The following RGS7 variants were observed in gnomAD, a reference collection of about 807,000 sequenced individuals.
RGS7 encodes the protein regulator of G protein signaling 7, also known as regulator of G-protein signaling 7.
RGS7 carries 27 observed loss-of-function variants against 81.1 expected under a neutral mutation model. The observed-to-expected ratio is 0.33, with a 90% confidence interval of 0.25 to 0.46. The LOEUF (loss-of-function observed/expected upper bound fraction) is 0.46. RGS7 is among the 20% of genes least tolerant of loss of function. RGS7 has a pLI of 1.00. For missense variants in RGS7, 396 were observed against 607.4 expected, an observed-to-expected ratio of 0.65 and a Z score of 3.66; for synonymous variants, 208 against 207.7, an observed-to-expected ratio of 1.00 and a Z score of -0.01.
chr1:241,209,877 T>C (rs1389597833), intron 2 of RGS7, among the ~76,000 whole-genome samples: 1 of 151,874 alleles, frequency 6.6e-6, no homozygotes, highest in Admixed American at 6.6e-5. Context: ...TAAAATAAAA[T>C]ATATTATTAA....
intron 3 of RGS7, among the ~76,000 whole-genome samples, chr1:241,078,878 G>A (rs2062976845): frequency 6.6e-6 from 1 of 152,086 alleles, no homozygotes; most frequent in African/African-American, 2.4e-5. Flanking sequence ...ATTTGCAACG[G>A]GAGAAATGGC....
At chr1:241,275,349 T>C (rs1185554232) in intron 2 of RGS7, among the ~76,000 whole-genome samples, 1 of 152,198 alleles carries the variant, frequency 6.6e-6, no homozygotes, top group Admixed American at 6.5e-5. Flanking sequence ...GGAAAGGTAA[T>C]ATTTAGTAGG....
chr1:240,775,877 G>A lies in RGS7; in HGVS notation c.*343C>T. The A allele has an allele frequency of 2.7e-6, 1 of 371,660 alleles. No individual in the cohort carries two copies. Among genetic ancestry groups the A allele is most frequent in the Non-Finnish European group, 5.1e-6 (1 of 197,604 alleles). 23.0% of individuals were successfully genotyped at this position (371,660 alleles called of 1,614,324 possible). A position where few individuals can be genotyped will look rare whatever the true frequency, so the allele number is the denominator to read the frequency against. ...ACTGAAGCTTTGAGAGAGAGAGAGA[G>A]AGAAAGAAGGAAAAAAAGAAAAGGT... On this transcript the variant is annotated 3_prime_UTR_variant, in exon 19 of 19. Coordinates refer to ENST00000440928, the MANE Select transcript of RGS7 (RefSeq NM_001364886.1).
intron 2 of RGS7, among the ~76,000 whole-genome samples, chr1:241,330,034 G>C (rs2081874956): frequency 6.6e-6 from 1 of 152,118 alleles, no homozygotes. Flanking sequence ...CTGCCTCCTA[G>C]GTTCAAGCCA....
intron 2 of RGS7, among the ~76,000 whole-genome samples, chr1:241,170,055 C>G (rs2070614729): frequency 6.6e-6 from 1 of 151,952 alleles, no homozygotes; most frequent in African/African-American, 2.4e-5. Context: ...GAAGGGCCAC[C>G]GTCCATCAGC....
At chr1:241,238,995 G>C (rs1352450090) in intron 2 of RGS7, among the ~76,000 whole-genome samples, 1 of 116,706 alleles carries the variant, frequency 8.6e-6, no homozygotes, top group African/African-American at 3.4e-5. Context: ...TTGAGATACA[G>C]TCTCGCTCTG....
intron 9 of RGS7, among the ~76,000 whole-genome samples, chr1:240,844,420 C>T (rs1249979244): frequency 6.6e-6 from 1 of 152,212 alleles, no homozygotes; most frequent in African/African-American, 2.4e-5. Context: ...ACCCCAACCC[C>T]TATCCACATC....
intron 2 of RGS7, among the ~76,000 whole-genome samples, chr1:241,191,572 T>A (rs1278193954): frequency 6.6e-6 from 1 of 152,208 alleles, no homozygotes. Flanking sequence ...TTTAGTTTCC[T>A]TTTTTGAACT....
At chr1:241,122,669 G>GAA (rs200013731) in intron 2 of RGS7, among the ~76,000 whole-genome samples, 3 of 79,562 alleles carry the variant, frequency 3.8e-5, no homozygotes, top group African/African-American at 4.8e-5. Context: ...ATCACAAAAA[G>GAA]AAAAAAAAAA....
At chr1:241,052,167 A>G (rs2061286210) in intron 3 of RGS7, among the ~76,000 whole-genome samples, 1 of 152,188 alleles carries the variant, frequency 6.6e-6, no homozygotes, top group African/African-American at 2.4e-5. Flanking sequence ...TACAAATATA[A>G]GTAACAAAAT....
intron 3 of RGS7, among the ~76,000 whole-genome samples, chr1:241,015,839 T>C (rs1377801354): frequency 2.6e-5 from 4 of 152,246 alleles, no homozygotes; most frequent in East Asian, 1.9e-4. Context: ...TCAAGTCAGA[T>C]CAAAGTAAGG....
intron 3 of RGS7, among the ~76,000 whole-genome samples, chr1:241,087,328 CA>C (rs761248211): frequency 6.6e-6 from 1 of 151,360 alleles, no homozygotes; most frequent in South Asian, 2.1e-4. Flanking sequence ...ATTTAAAGGG[CA>C]AAAAAAATTA....
At chr1:240,923,218 G>C (rs905817155) in intron 6 of RGS7, among the ~76,000 whole-genome samples, 1 of 151,920 alleles carries the variant, frequency 6.6e-6, no homozygotes, top group African/African-American at 2.4e-5. Context: ...AGAACACAGA[G>C]AATCTTTAGG....
intron 3 of RGS7, among the ~76,000 whole-genome samples, chr1:241,091,496 T>C (rs12733747): frequency 0.22 from 33,427 of 149,594 alleles, 3,883 homozygotes; most frequent in African/African-American, 0.27. Context: ...TGCAGTGAGC[T>C]GAGATCACGC....
At chr1:241,007,791 T>C (rs2058747477) in intron 3 of RGS7, among the ~76,000 whole-genome samples, 1 of 152,142 alleles carries the variant, frequency 6.6e-6, no homozygotes, top group Admixed American at 6.6e-5. Flanking sequence ...AAGGAATTAG[T>C]AAAAGGTTTG....
At chr1:241,193,754 A>G (rs2072867258) in intron 2 of RGS7, among the ~76,000 whole-genome samples, 1 of 152,180 alleles carries the variant, frequency 6.6e-6, no homozygotes, top group South Asian at 2.1e-4. Context: ...TCTGCTACAG[A>G]AAGTCAGAGG....
chr1:241,355,259 GAC>G (rs1333268780), intron 2 of RGS7, among the ~76,000 whole-genome samples: 6 of 152,322 alleles, frequency 3.9e-5, no homozygotes, highest in South Asian at 2.1e-4. Context: ...CATTTACACA[GAC>G]ACAGTCTCTC....
chr1:240,954,901 T>C (rs1680118660), intron 4 of RGS7, among the ~76,000 whole-genome samples: 1 of 152,188 alleles, frequency 6.6e-6, no homozygotes, highest in African/African-American at 2.4e-5. Context: ...ATATCAAGTT[T>C]ATAGGATACA....
intron 2 of RGS7, among the ~76,000 whole-genome samples, chr1:241,302,590 CAGAT>C (rs769986551): frequency 5.2e-4 from 79 of 152,178 alleles, no homozygotes; most frequent in Middle Eastern, 6.8e-3. Context: ...GGCTTCTACT[CAGAT>C]AGGGAGCACC....
Sources: gnomAD v4.1 joint callset for allele counts (sites outside exome capture counted in the v4.1 genomes callset) on GRCh38, gnomAD v4.1.1 for gene constraint, MANE v1.5 for transcripts, NCBI Gene and HGNC (gene_info 2026-07-23, HGNC 2026-07-21) for gene names.